The following ABR variants were observed in gnomAD, a reference collection of about 807,000 sequenced individuals.
The protein encoded by ABR is active breakpoint cluster region-related protein.
In ABR, 35 loss-of-function variants were observed where a neutral mutation model predicts 107.2. The observed-to-expected ratio is 0.33, with a 90% CI of 0.25 to 0.43. The LOEUF is 0.43. Among genes scored for constraint, ABR ranks in the 20% least tolerant of loss-of-function variants. The pLI is 1.00. For missense variants in ABR, 815 were observed against 1,115.2 expected (o/e 0.73, Z 3.83); for synonymous variants, 498 against 462.0 (o/e 1.08, Z -1.00).
At position 1,078,746 on chromosome 17, in the gene ABR, A is replaced by G. The variant is rs895907839; in HGVS notation, c.700+584T>C. 6.7e-6 allele frequency: 10 copies of G among 1,491,750 alleles called. No individual in the cohort carries two copies. Among genetic ancestry groups the G allele is most frequent in the Non-Finnish European group, 8.1e-6 (9 of 1,109,010 alleles). 92.4% of individuals were successfully genotyped at this position (1,491,750 alleles called of 1,614,324 possible). On this transcript the variant is annotated intron_variant, in intron 6 of 22. Coordinates refer to ENST00000302538, the MANE Select transcript of ABR (RefSeq NM_021962.5). This position sits in a 1 kb window ranked among gnomAD's most constrained non-coding sequence, Gnocchi z 7.5. Reference sequence around the variant, plus strand: ...CCCTCTAACCTCCCCGGCCACATCTAAGCCCACTCCAGCCGGCCCCCAGAG... The same window carrying G: ...CCCTCTAACCTCCCCGGCCACATCTGAGCCCACTCCAGCCGGCCCCCAGAG...
intron 14 of ABR, chr17:1,055,274 T>C (rs2261299): frequency 0.13 from 19,459 of 152,078 alleles, 1,462 homozygotes; most frequent in South Asian, 0.2. Flanking sequence ...AGATTTAGTA[T>C]GAGGAACCCA....
chr17:1,054,102 C>A (rs1424814996), intron 14 of ABR, among the ~76,000 whole-genome samples: 1 of 152,214 alleles, frequency 6.6e-6, no homozygotes, highest in Non-Finnish European at 1.5e-5. Flanking sequence ...AGGAAGGAAC[C>A]TTGAGCCCCT....
chr17:1,049,921 C>T (rs748093933), intron 16 of ABR, 129 bp downstream of exon 16: 3 of 1,339,288 alleles, frequency 2.2e-6, no homozygotes, highest in Non-Finnish European at 3.0e-6. Flanking sequence ...GAACCACCTC[C>T]TGGGAACTTT....
rs1398114858 is a variant in ABR at position 1,148,829 on chromosome 17, G to A, written c.62-23462C>T. 6.6e-6 allele frequency among the ~76,000 whole-genome samples: 1 copy of A among 152,174 alleles called. No homozygotes were observed. Among genetic ancestry groups the A allele is most frequent in the Non-Finnish European group, 1.5e-5 (1 of 68,028 alleles). Reference sequence around the variant, plus strand: ...GCACCAGAGTGTGAACGTGCCTCGGGCCACTGATGCGTACACTGGATGGAA... The same window carrying A: ...GCACCAGAGTGTGAACGTGCCTCGGACCACTGATGCGTACACTGGATGGAA... On this transcript the variant is annotated intron_variant, in intron 1 of 22. Transcript: ENST00000302538. This position sits in a 1 kb window ranked among gnomAD's most constrained non-coding sequence, Gnocchi z 4.9.
intron 1 of ABR, among the ~76,000 whole-genome samples, chr17:1,146,841 AC>A (rs2040568613): frequency 7.7e-6 from 1 of 129,358 alleles, no homozygotes; most frequent in African/African-American, 2.8e-5. Context: ...CACCACTGCC[AC>A]CAGGCCACCA....
intron 1 of ABR, among the ~76,000 whole-genome samples, chr17:1,165,176 CA>C (rs1218723323): frequency 2.0e-5 from 3 of 152,228 alleles, no homozygotes; most frequent in African/African-American, 7.2e-5. Context: ...TGCCTCCACC[CA>C]GCCGAGCAAC....
At position 1,200,764 on chromosome 17, in the gene ABR, C is replaced by T. The variant is rs756152381; in HGVS notation, c.838+28029G>A. On this transcript the variant is annotated intron_variant, in intron 1 of 22. Coordinates refer to the ABR transcript ENST00000574139. This position sits in a 1 kb window ranked among gnomAD's most constrained non-coding sequence, Gnocchi z 4.1. ...TGGTGCAAGATGTCTCCGGTTACTT[C>T]GGGGAGACAGGAACATGACCTGGGT... is the stretch of plus-strand genomic sequence containing the variant. 3.9e-5 allele frequency among the ~76,000 whole-genome samples: 6 copies of T among 152,282 alleles called. No homozygotes were observed. The highest frequency in any genetic ancestry group is 7.4e-5 in the Non-Finnish European group (5 of 68,024).
intron 1 of ABR, among the ~76,000 whole-genome samples, chr17:1,203,737 T>C (rs1221028844): frequency 6.6e-6 from 1 of 151,786 alleles, no homozygotes; most frequent in Admixed American, 6.6e-5. Flanking sequence ...GGAAGGCGGA[T>C]GGCGCCCCCC....
At chr17:1,156,457 AAGGATCACCTGAC>A (rs1375949363) in intron 1 of ABR, among the ~76,000 whole-genome samples, 1 of 152,126 alleles carries the variant, frequency 6.6e-6, no homozygotes, top group Non-Finnish European at 1.5e-5. Context: ...GCCGAGGTGG[AAGGATCACCTGAC>A]GCCAGGAGTT....
chr17:1,098,830 G>A (rs929462523), intron 3 of ABR, among the ~76,000 whole-genome samples: 45 of 152,218 alleles, frequency 3.0e-4, no homozygotes, highest in Non-Finnish European at 8.8e-5. Flanking sequence ...TTGTTGCCCC[G>A]GCTGGAGTGC....
chr17:1,023,065 CGCCTCTGCCGGCCCCACGTCCACTGCAGA>C (rs1567594315), intron 16 of ABR, among the ~76,000 whole-genome samples: 2 of 129,008 alleles, frequency 1.6e-5, no homozygotes, highest in South Asian at 4.9e-4. Flanking sequence ...TCCGCTCCAG[CGCCTCTGCCGGCCCCACGTCCACTGCAGA>C]GCCTCTGCCG....
intron 17 of ABR, 56 bp from the exon 18 acceptor site, chr17:1,012,853 G>GC: frequency 7.0e-7 from 1 of 1,434,444 alleles, no homozygotes; most frequent in Non-Finnish European, 9.6e-7. Flanking sequence ...CCCGAGGAAT[G>GC]CCCCCAAAAC....
intron 22 of ABR, 119 bp from the exon 23 acceptor site, chr17:1,006,288 G>A: frequency 1.1e-6 from 1 of 924,658 alleles, no homozygotes. Flanking sequence ...CCCCTTCCTG[G>A]GGAGCCCAGG....
chr17:1,028,285 C>G (rs1016264614), intron 16 of ABR, among the ~76,000 whole-genome samples: 122 of 148,528 alleles, frequency 8.2e-4, no homozygotes, highest in African/African-American at 2.6e-3. Flanking sequence ...TTTTAGTAGA[C>G]ACGGGGTTTC....
chr17:1,083,441 G>A (rs2036394936), intron 5 of ABR, 79 bp downstream of exon 5: 6 of 992,598 alleles, frequency 6.0e-6, no homozygotes, highest in East Asian at 2.5e-5. Flanking sequence ...ACTGGCAAGC[G>A]AGGGAGGGGA....
At chr17:1,049,517 C>T (rs2151023090) in intron 16 of ABR, among the ~76,000 whole-genome samples, 1 of 152,268 alleles carries the variant, frequency 6.6e-6, no homozygotes, top group South Asian at 2.1e-4. Context: ...CCAGAGTCCC[C>T]ACCCGAAGCC....
intron 1 of ABR, among the ~76,000 whole-genome samples, chr17:1,141,190 G>A (rs556008867): frequency 2.0e-5 from 3 of 152,174 alleles, no homozygotes; most frequent in Admixed American, 1.3e-4. Flanking sequence ...TAATACCATC[G>A]GGAGCCCCTC....
chr17:1,055,024 C>T (rs575250322), intron 14 of ABR, among the ~76,000 whole-genome samples: 1 of 152,174 alleles, frequency 6.6e-6, no homozygotes, highest in South Asian at 2.1e-4. Context: ...TGGGTAGAAA[C>T]TATTAGCTGT....
intron 1 of ABR, among the ~76,000 whole-genome samples, chr17:1,139,971 G>A (rs946270922): frequency 6.6e-6 from 1 of 152,144 alleles, no homozygotes; most frequent in East Asian, 1.9e-4. Context: ...CTGAAGCCGA[G>A]CTCTGGAGGG....
Sources: gnomAD v4.1 joint callset for allele counts (sites outside exome capture counted in the v4.1 genomes callset) on GRCh38, gnomAD v4.1.1 for gene constraint, Gnocchi (gnomAD v3.1) non-coding constraint, MANE v1.5 for transcripts, NCBI Gene and HGNC (gene_info 2026-07-23, HGNC 2026-07-21) for gene names.